Variants in TBC1D22A observed in about 807,000 individuals in gnomAD.
The protein encoded by TBC1D22A is putative GTPase activator.
TBC1D22A carries 38 observed loss-of-function variants against 60.2 expected under a neutral mutation model. That is an observed-to-expected ratio of 0.63 (90% CI 0.49 to 0.83). The LOEUF is 0.83. TBC1D22A is among the 40% of genes least tolerant of loss of function. TBC1D22A has a pLI of 0.00. For synonymous variants in TBC1D22A, 302 were observed against 281.7 expected (o/e 1.07, Z -0.72); for missense variants, 628 against 701.0 (o/e 0.90, Z 1.18).
chr22:46,954,316 T>C (rs1437920240), intron 8 of TBC1D22A, among the ~76,000 whole-genome samples: 3 of 152,266 alleles, frequency 2.0e-5, no homozygotes, highest in Non-Finnish European at 4.4e-5. Context: ...TAGATCAGGA[T>C]TAAGAAACGT....
At chr22:46,898,564 A>G (rs1322246411) in intron 7 of TBC1D22A, among the ~76,000 whole-genome samples, 4 of 152,294 alleles carry the variant, frequency 2.6e-5, no homozygotes, top group African/African-American at 9.6e-5. Flanking sequence ...GACATAGACA[A>G]ATGGAGCAGA....
intron 2 of TBC1D22A, chr22:46,792,856 G>C (rs1601883077): frequency 7.0e-7 from 1 of 1,434,646 alleles, no homozygotes; most frequent in East Asian, 2.5e-5. Flanking sequence ...GCCATGGGCA[G>C]CCTGGCTGCA....
Position 46,946,024 on chromosome 22 carries a change from A to G in TBC1D22A, c.1016-28266A>G, listed in dbSNP as rs534471192. 5.8e-4 allele frequency among the ~76,000 whole-genome samples: 88 copies of G among 152,342 alleles called. 1 individual carries two copies. The highest frequency in any genetic ancestry group is 2.1e-3 in the African/African-American group (86 of 41,584). On this transcript the variant is annotated intron_variant, in intron 8 of 12. Coordinates refer to ENST00000337137, the MANE Select transcript of TBC1D22A (RefSeq NM_014346.5). ...TGTAATTCTCACTCTGGTTGGAAGA[A>G]GAGGTTTTAGGAGCCTTGTGATTCT...
At chr22:47,050,610 C>G (rs974010620) in intron 11 of TBC1D22A, among the ~76,000 whole-genome samples, 1 of 152,202 alleles carries the variant, frequency 6.6e-6, no homozygotes, top group African/African-American at 2.4e-5. Flanking sequence ...CGCTTGGGCC[C>G]TGACTCTAGG....
chr22:47,087,643 C>T (rs2064750699), intron 11 of TBC1D22A, among the ~76,000 whole-genome samples: 1 of 152,090 alleles, frequency 6.6e-6, no homozygotes, highest in Non-Finnish European at 1.5e-5. Flanking sequence ...TACATATTTG[C>T]ACATATATCT....
chr22:47,022,616 A>G (rs890628964), intron 10 of TBC1D22A, among the ~76,000 whole-genome samples: 8 of 152,150 alleles, frequency 5.3e-5, no homozygotes, highest in African/African-American at 1.9e-4. Flanking sequence ...CCTTTCAGGT[A>G]TTAAGCTGAA....
At chr22:47,110,076 G>A (rs746225974) in intron 11 of TBC1D22A, among the ~76,000 whole-genome samples, 1 of 152,126 alleles carries the variant, frequency 6.6e-6, no homozygotes, top group Non-Finnish European at 1.5e-5. Context: ...CTCGTTCTGC[G>A]GTAGCTGTGC....
At chr22:47,037,456 C>T (rs971391474) in intron 11 of TBC1D22A, among the ~76,000 whole-genome samples, 3 of 152,128 alleles carry the variant, frequency 2.0e-5, no homozygotes, top group Non-Finnish European at 4.4e-5. Context: ...CATGGCAAAA[C>T]CCCGTCTCTA....
At chr22:46,906,778 A>ACT (rs1363825558) in intron 7 of TBC1D22A, among the ~76,000 whole-genome samples, 3 of 132,932 alleles carry the variant, frequency 2.3e-5, no homozygotes, top group African/African-American at 1.1e-4. Flanking sequence ...TGGACCCTGA[A>ACT]CTGTGTGTGT....
intron 6 of TBC1D22A, among the ~76,000 whole-genome samples, chr22:46,892,276 TGTTA>T (rs2068445923): frequency 6.9e-6 from 1 of 145,858 alleles, no homozygotes; most frequent in South Asian, 2.2e-4. Flanking sequence ...CACATCTCTT[TGTTA>T]GTTGGTTTTA....
intron 8 of TBC1D22A, among the ~76,000 whole-genome samples, chr22:46,943,981 C>T (rs1292320152): frequency 1.3e-5 from 2 of 152,196 alleles, no homozygotes; most frequent in Admixed American, 1.3e-4. Context: ...GTTTGCACTT[C>T]TGGCTATTAT....
rs2072118655 is a variant in TBC1D22A, at chr22:46,941,665, C to CG, written c.1015+29479dup. On this transcript the variant is annotated intron_variant, in intron 8 of 12. Transcript: ENST00000337137. ...AATATATATACGGAATATATATACG[C>CG]GGAATATATATACGGAATATATATA... Among the ~76,000 whole-genome samples the CG allele has an allele frequency of 6.3e-5, 4 of 63,732 alleles. 1 individual carries two copies. The highest frequency in any genetic ancestry group is 3.5e-4 in the Admixed American group (2 of 5,726). The allele number at this position is 63,732 out of a possible 152,430, so 41.8% of individuals were successfully genotyped here. A position where few individuals can be genotyped will look rare whatever the true frequency, so the allele number is the denominator to read the frequency against.
intron 1 of TBC1D22A, among the ~76,000 whole-genome samples, chr22:46,778,083 AT>A (rs1253417784): frequency 6.6e-6 from 1 of 152,178 alleles, no homozygotes. Context: ...AGAATGAAAG[AT>A]AAAATGGCAT....
At chr22:47,119,484 C>T (rs1419673300) in intron 12 of TBC1D22A, among the ~76,000 whole-genome samples, 2 of 151,752 alleles carry the variant, frequency 1.3e-5, no homozygotes, top group Non-Finnish European at 2.9e-5. Context: ...TAACAAACTA[C>T]CTTAGACTGG....
intron 12 of TBC1D22A, among the ~76,000 whole-genome samples, chr22:47,162,556 C>T (rs2068029532): frequency 6.6e-6 from 1 of 152,194 alleles, no homozygotes; most frequent in African/African-American, 2.4e-5. Context: ...CAGATGAGCA[C>T]CTTTCTATAG....
chr22:47,042,568 T>C (rs2062885247), intron 11 of TBC1D22A, among the ~76,000 whole-genome samples: 1 of 152,254 alleles, frequency 6.6e-6, no homozygotes, highest in Non-Finnish European at 1.5e-5. Flanking sequence ...TCTGGCAGTC[T>C]GGCAGTGCCA....
chr22:47,058,135 C>T (rs1270267203), intron 11 of TBC1D22A, among the ~76,000 whole-genome samples: 2 of 152,222 alleles, frequency 1.3e-5, no homozygotes, highest in African/African-American at 4.8e-5. Flanking sequence ...CAGCAAGCAA[C>T]AGGCTAGCTT....
At chr22:46,786,946 C>T (rs2045607710) in intron 1 of TBC1D22A, among the ~76,000 whole-genome samples, 1 of 152,148 alleles carries the variant, frequency 6.6e-6, no homozygotes, top group Non-Finnish European at 1.5e-5. Flanking sequence ...CTTGGCTTCC[C>T]AAAGTGCTTG....
chr22:47,015,643 C>T (rs1052166076), intron 10 of TBC1D22A, among the ~76,000 whole-genome samples: 3 of 152,214 alleles, frequency 2.0e-5, no homozygotes, highest in African/African-American at 7.2e-5. Flanking sequence ...GGTGTCCATG[C>T]GGGCTGCTCC....
Sources: allele counts gnomAD v4.1 joint callset (sites outside exome capture counted in the v4.1 genomes callset), GRCh38; gene constraint gnomAD v4.1.1; transcripts MANE v1.5; gene names NCBI Gene and HGNC (gene_info 2026-07-23, HGNC 2026-07-21).